APLP2: variants seen among roughly 807,000 people sequenced by gnomAD.
APLP2 encodes the protein CDEI box-binding protein.
Under a neutral mutation model 89.9 loss-of-function variants are expected in APLP2, and 53 were observed. The observed-to-expected ratio is 0.59, with a 90% CI of 0.47 to 0.74. The LOEUF (loss-of-function observed/expected upper bound fraction) is 0.74, where lower values mean the gene tolerates loss of function less well. APLP2 is among the 30% of genes least tolerant of loss of function. The pLI is 0.00. For missense variants in APLP2, 973 were observed against 975.9 expected, an observed-to-expected ratio of 1.00 and a Z score of 0.04; for synonymous variants, 372 against 348.6, an observed-to-expected ratio of 1.07 and a Z score of -0.75.
chr11:130,142,770 C>T (rs888035016), intron 16 of APLP2, among the ~76,000 whole-genome samples: 2 of 152,096 alleles, frequency 1.3e-5, no homozygotes, highest in Admixed American at 1.3e-4. Flanking sequence ...TGTGCCACCA[C>T]GCCCAGCTAG....
chr11:130,135,726 G>A lies in APLP2; in HGVS notation c.1837+11G>A. 1 of 1,613,392 alleles carries A rather than the reference G, an allele frequency of 6.2e-7. No individual in the cohort carries two copies. The highest frequency in any genetic ancestry group is 8.5e-7 in the Non-Finnish European group (1 of 1,179,600). ...TACCTGAGAACGAAGGTGTGTATGGGCGACGGTGCCACTTCTGGGCAGCAG... is the reference window on the plus strand; with the variant it reads ...TACCTGAGAACGAAGGTGTGTATGGACGACGGTGCCACTTCTGGGCAGCAG... On this transcript the variant is annotated intron_variant, in intron 13 of 16. Transcript: ENST00000338167.
rs192305778 is a variant in APLP2, at chr11:130,128,947, C to T, written c.1297-101C>T. 3.8e-5 allele frequency: 51 copies of T among 1,333,590 alleles called. No individual in the cohort carries two copies. In the Admixed American group the frequency reaches 8.1e-4, roughly 21 times the overall value. The allele number at this position is 1,333,590 out of a possible 1,614,324, so 82.6% of individuals were successfully genotyped here. On this transcript the variant is annotated intron_variant, in intron 9 of 16. Coordinates refer to ENST00000338167, the MANE Select transcript of APLP2 (RefSeq NM_001142276.2). ...CCACTCTCCGAACCTGTTACTGTCT[C>T]GCATGGGCACTGACAGGAGAAGCAC...
intron 1 of APLP2, among the ~76,000 whole-genome samples, chr11:130,089,500 C>T (rs773095681): frequency 3.9e-5 from 6 of 152,218 alleles, no homozygotes; most frequent in Non-Finnish European, 8.8e-5. Context: ...ACATTCACAG[C>T]GTGCACCTTA....
At chr11:130,137,391 C>G (rs1951758411) in intron 13 of APLP2, 1 of 1,128,538 alleles carries the variant, frequency 8.9e-7, no homozygotes, top group Admixed American at 1.7e-5. Flanking sequence ...ACCTGGCTTT[C>G]CCCACCTCAT....
intron 14 of APLP2, 83 bp downstream of exon 14, chr11:130,140,566 G>C: frequency 8.5e-7 from 1 of 1,170,180 alleles, no homozygotes; most frequent in Non-Finnish European, 1.2e-6. Flanking sequence ...ATGCTTCCAG[G>C]TGCACGTCTC....
chr11:130,091,129 C>G (rs1255936399), intron 1 of APLP2, among the ~76,000 whole-genome samples: 8 of 141,758 alleles, frequency 5.6e-5, no homozygotes, highest in African/African-American at 2.2e-4. Context: ...GGCGGCTGGC[C>G]GGGCAGAGGG....
Position 130,141,314 on chromosome 11 carries a change from G to C in APLP2, c.1924-184G>C. Reference sequence around the variant, plus strand: ...ATAATATAGTCTTCCCTCCATACCTGCCCCTTCATTAGGGGTTTGGGGAGT... The same window carrying C: ...ATAATATAGTCTTCCCTCCATACCTCCCCCTTCATTAGGGGTTTGGGGAGT... On this transcript the variant is annotated intron_variant, in intron 14 of 16. Transcript: ENST00000338167. The surrounding 1 kb of genome is among the most constrained non-coding windows in gnomAD (Gnocchi z 4.2). 1.7e-6 allele frequency: 1 copy of C among 602,008 alleles called. No individual in the cohort carries two copies. The highest frequency in any genetic ancestry group is 3.0e-6 in the Non-Finnish European group (1 of 335,978). The allele number at this position is 602,008 out of a possible 1,614,324, so 37.3% of individuals were successfully genotyped here.
intron 1 of APLP2, among the ~76,000 whole-genome samples, chr11:130,096,569 T>G (rs917463667): frequency 6.6e-6 from 1 of 152,032 alleles, no homozygotes; most frequent in African/African-American, 2.4e-5. Context: ...CATTTAAAAA[T>G]TAGCCAGGTG....
chr11:130,130,741 C>A (rs186886507), intron 11 of APLP2, among the ~76,000 whole-genome samples: 1 of 152,186 alleles, frequency 6.6e-6, no homozygotes, highest in African/African-American at 2.4e-5. Context: ...CCTAGAGGGC[C>A]TTATAGTAAC....
Position 130,110,540 on chromosome 11 carries a change from G to A in APLP2, c.282G>A (p.Met94Ile), listed in dbSNP as rs773428429. 2 of 1,613,380 alleles carry A rather than the reference G, an allele frequency of 1.2e-6. No homozygotes were observed. The highest frequency in any genetic ancestry group is 8.5e-7 in the Non-Finnish European group (1 of 1,179,800). Reference protein sequence around the residue: ...KEEVLQYCQEMYPELQITNVM... With the variant: ...KEEVLQYCQEIYPELQITNVM... ...GTGTGTGTTTGTTTTCTTAACAGAT[G>A]TATCCAGAGCTACAGATCACAAATG... Residue 94 changes from methionine to isoleucine, a missense_variant and splice_region_variant, in exon 3 of 17, where the codon ATG becomes ATA. Met to Ile is a conservative substitution (Grantham distance 10). Transcript: ENST00000338167.
intron 7 of APLP2, among the ~76,000 whole-genome samples, chr11:130,125,452 A>C (rs904603376): frequency 1.3e-5 from 2 of 152,168 alleles, no homozygotes. Flanking sequence ...GGCATTTACC[A>C]AGTTATCGAT....
chr11:130,073,244 C>T (rs1453597035), intron 1 of APLP2, among the ~76,000 whole-genome samples: 1 of 152,134 alleles, frequency 6.6e-6, no homozygotes, highest in Non-Finnish European at 1.5e-5. Context: ...ATACTTTAGA[C>T]ATGGGCTAAA....
chr11:130,135,422 C>T (rs1414789756), intron 12 of APLP2, 141 bp from the exon 13 acceptor site: 1 of 999,354 alleles, frequency 1.0e-6, no homozygotes, highest in Non-Finnish European at 1.5e-6. Context: ...TGTTGGGGCT[C>T]TGTGGTGCCA....
rs576501803 is a variant in APLP2, at chr11:130,099,624, C to T, written c.106-9805C>T. ...AAATGTATTAAATCATTCATCTAAA[C>T]GTTTGGTGACTGAATTCCCACAAAA... On this transcript the variant is annotated intron_variant, in intron 1 of 16. Coordinates refer to ENST00000338167, the MANE Select transcript of APLP2 (RefSeq NM_001142276.2). 3.3e-5 allele frequency among the ~76,000 whole-genome samples: 5 copies of T among 152,326 alleles called. No individual in the cohort carries two copies. The South Asian group carries it at 6.2e-4, about 19-fold the overall frequency.
chr11:130,087,915 GTGT>G (rs1466996279), intron 1 of APLP2, among the ~76,000 whole-genome samples: 1 of 152,162 alleles, frequency 6.6e-6, no homozygotes, highest in Non-Finnish European at 1.5e-5. Context: ...ATGTTGGTTA[GTGT>G]TGTTTTTAAA....
chr11:130,122,808 T>C (rs1329535795), intron 6 of APLP2, among the ~76,000 whole-genome samples: 1 of 152,122 alleles, frequency 6.6e-6, no homozygotes, highest in Non-Finnish European at 1.5e-5. Context: ...CCTAAAATGT[T>C]CCCTCCCCAA....
At chr11:130,130,422 C>T (rs1419868391) in intron 11 of APLP2, among the ~76,000 whole-genome samples, 1 of 152,112 alleles carries the variant, frequency 6.6e-6, no homozygotes, top group Non-Finnish European at 1.5e-5. Flanking sequence ...TCATTTATTT[C>T]TGATTTAGGG....
At position 130,126,621 on chromosome 11, in the gene APLP2, C is replaced by T. The variant is rs545166520; in HGVS notation, c.1091-79C>T. On this transcript the variant is annotated intron_variant, in intron 7 of 16. Transcript: ENST00000338167. ...CACAAAACAAATTGAGTCCATCCTG[C>T]AGGTCCTGAGCTGGGTTTTCTTCCT... is the stretch of plus-strand genomic sequence containing the variant. The T allele has an allele frequency of 2.7e-5, 41 of 1,542,658 alleles. No homozygotes were observed. The East Asian group carries it at 9.3e-4, about 35-fold the overall frequency.
Position 130,112,081 on chromosome 11 carries a change from ATACT to A in APLP2, c.403+1426_403+1429del, listed in dbSNP as rs558696208. 1.1e-4 allele frequency among the ~76,000 whole-genome samples: 17 copies of A among 152,194 alleles called. No individual in the cohort carries two copies. The South Asian group carries it at 3.1e-3, about 28-fold the overall frequency. ...TGCGGTCAGTTTCTGAGCCAGCCTC[ATACT>A]TACTTCTTAAATAGGCTTATAGTCA... On this transcript the variant is annotated intron_variant, in intron 3 of 16. Coordinates refer to ENST00000338167, the MANE Select transcript of APLP2 (RefSeq NM_001142276.2).
Sources: gnomAD v4.1 joint callset for allele counts (sites outside exome capture counted in the v4.1 genomes callset) on GRCh38, gnomAD v4.1.1 for gene constraint, Gnocchi (gnomAD v3.1) non-coding constraint, MANE v1.5 for transcripts, NCBI Gene and HGNC (gene_info 2026-07-23, HGNC 2026-07-21) for gene names.